PUDP: variants seen among roughly 807,000 people sequenced by gnomAD.
PUDP encodes the protein pseudouridine 5'-phosphatase, also known as pseudouridine-5'-phosphatase.
PUDP carries 8 observed loss-of-function variants against 9.4 expected under a neutral mutation model. That is an observed-to-expected ratio of 0.85 (90% CI 0.50 to 1.53). The LOEUF is 1.53. PUDP is among the 40% of genes most tolerant of loss of function. The pLI, the probability that PUDP is intolerant of heterozygous loss-of-function variation, is 0.00. For synonymous variants in PUDP, 99 were observed against 80.7 expected, an observed-to-expected ratio of 1.23 and a Z score of -1.22; for missense variants, 188 against 189.7, an observed-to-expected ratio of 0.99 and a Z score of 0.05.
chrX:7,076,421 TTTCAAGGGTGAC>T (rs912125074), intron 3 of PUDP, among the ~76,000 whole-genome samples: 10 of 111,874 alleles, frequency 8.9e-5, no homozygotes, highest in African/African-American at 2.6e-4. Context: ...GGAGCCCCCC[TTTCAAGGGTGAC>T]TTCCTGTGAT....
At chrX:7,084,990 T>C (rs1465858518) in intron 2 of PUDP, 2 of 112,221 alleles carry the variant, frequency 1.8e-5, no homozygotes, top group African/African-American at 6.5e-5. Flanking sequence ...TGTTACTCTC[T>C]AATAAGATGC....
intron 3 of PUDP, among the ~76,000 whole-genome samples, chrX:6,775,521 A>ACACG (rs1925441658): frequency 1.8e-5 from 2 of 111,149 alleles, no homozygotes; most frequent in African/African-American, 6.5e-5. Context: ...ACACACACAC[A>ACACG]CACACATATA....
chrX:6,729,081 T>G (rs1569088312), intron 3 of PUDP, among the ~76,000 whole-genome samples: 1 of 111,689 alleles, frequency 9.0e-6, no homozygotes, highest in Non-Finnish European at 1.9e-5. Flanking sequence ...CACATCACAT[T>G]AAGGGTACAA....
intron 3 of PUDP, among the ~76,000 whole-genome samples, chrX:6,882,003 C>G (rs1927354237): frequency 1.1e-5 from 1 of 93,671 alleles, no homozygotes; most frequent in African/African-American, 4.1e-5. Flanking sequence ...GAGACGGAGT[C>G]TTGCTCTGTC....
At chrX:6,761,025 T>A (rs775195328) in intron 3 of PUDP, among the ~76,000 whole-genome samples, 1 of 31,785 alleles carries the variant, frequency 3.1e-5, no homozygotes, top group South Asian at 9.1e-4. Context: ...AGTTAGTGTT[T>A]GTTTGTTTGT....
chrX:6,738,756 T>G (rs745460487), intron 3 of PUDP, among the ~76,000 whole-genome samples: 19 of 111,002 alleles, frequency 1.7e-4, no homozygotes, highest in Non-Finnish European at 5.7e-5. Flanking sequence ...CACCCTCAAA[T>G]GTCAAAGTTG....
At chrX:6,740,804 A>G (rs1360169001) in intron 3 of PUDP, among the ~76,000 whole-genome samples, 3 of 111,622 alleles carry the variant, frequency 2.7e-5, no homozygotes, top group Non-Finnish European at 5.6e-5. Context: ...ACATCTTATC[A>G]ACGAGTTCTA....
chrX:7,101,188 C>T (rs182776107), intron 2 of PUDP, among the ~76,000 whole-genome samples: 1 of 111,944 alleles, frequency 8.9e-6, no homozygotes, highest in Admixed American at 9.4e-5. Flanking sequence ...ATTGAAGTCC[C>T]TACTCGCAAC....
Position 7,064,190 on chromosome X carries a change from C to T in PUDP, c.510+13030G>A, listed in dbSNP as rs184437148. Among the ~76,000 whole-genome samples, 616 of 111,573 alleles carry T rather than the reference C, an allele frequency of 5.5e-3. 4 individuals carry two copies. The highest frequency in any genetic ancestry group is 0.019 in the African/African-American group (597 of 30,658). On this transcript the variant is annotated intron_variant, in intron 3 of 3. Transcript: ENST00000381077. ...AAAAGAACAGAACGTGAACAGAAGG[C>T]TCTTACAAGATGGAAGAGCCCACTC...
Position 6,919,895 on chromosome X carries a change from A to G in PUDP, c.*247+57238T>C, listed in dbSNP as rs1259542474. Reference sequence around the variant, plus strand: ...AAAAAAAAAAAAAAAAAAAAAAAAAAAAGAATGTCTGGAAACCAATGGATC... The same window carrying G: ...AAAAAAAAAAAAAAAAAAAAAAAAAGAAGAATGTCTGGAAACCAATGGATC... On this transcript the variant is annotated intron_variant and NMD_transcript_variant, in intron 3 of 3. Coordinates refer to the PUDP transcript ENST00000655425. 4.3e-5 allele frequency among the ~76,000 whole-genome samples: 4 copies of G among 94,114 alleles called. No individual in the cohort carries two copies. In the Admixed American group the frequency reaches 5.1e-4, roughly 12 times the overall value. 81.7% of individuals were successfully genotyped at this position (94,114 alleles called of 115,157 possible).
intron 3 of PUDP, among the ~76,000 whole-genome samples, chrX:6,957,916 C>G (rs994193113): frequency 9.0e-6 from 1 of 111,716 alleles, no homozygotes; most frequent in African/African-American, 3.3e-5. Context: ...TTTGGAAGAC[C>G]AAGGTGGGTG....
intron 3 of PUDP, among the ~76,000 whole-genome samples, chrX:6,971,588 T>A (rs889997606): frequency 9.4e-6 from 1 of 106,864 alleles, no homozygotes; most frequent in African/African-American, 3.4e-5. Flanking sequence ...GGCTAATTTT[T>A]TTTTTTTTTG....
chrX:7,035,298 G>A (rs760760375), intron 1 of PUDP, among the ~76,000 whole-genome samples: 3 of 111,674 alleles, frequency 2.7e-5, no homozygotes, highest in East Asian at 5.6e-4. Flanking sequence ...TATATACATA[G>A]TCTGCAAAAA....
chrX:7,094,684 AG>A (rs1470832129), intron 2 of PUDP, among the ~76,000 whole-genome samples: 1 of 111,530 alleles, frequency 9.0e-6, no homozygotes, highest in East Asian at 2.8e-4. Flanking sequence ...TTAAAGGAAA[AG>A]GGGGGTAAGA....
At chrX:6,913,277 G>A (rs764980852) in intron 3 of PUDP, among the ~76,000 whole-genome samples, 1 of 111,699 alleles carries the variant, frequency 9.0e-6, no homozygotes, top group South Asian at 3.7e-4. Context: ...AAATGATTTG[G>A]ATTGAAGAAA....
chrX:7,124,956 A>C (rs1932443251), intron 1 of PUDP, among the ~76,000 whole-genome samples: 1 of 109,996 alleles, frequency 9.1e-6, no homozygotes. Context: ...TCAAAAAAAA[A>C]GTAACTTTGG....
At chrX:6,949,056 C>T (rs1158127633) in intron 3 of PUDP, among the ~76,000 whole-genome samples, 1 of 111,992 alleles carries the variant, frequency 8.9e-6, no homozygotes, top group African/African-American at 3.2e-5. Flanking sequence ...ACCCATGGCA[C>T]CATGATATAT....
intron 2 of PUDP, among the ~76,000 whole-genome samples, chrX:7,083,256 C>T (rs1931159728): frequency 8.9e-6 from 1 of 111,820 alleles, no homozygotes; most frequent in Non-Finnish European, 1.9e-5. Flanking sequence ...TGTGAATGAG[C>T]AGAACAGACA....
chrX:6,955,420 A>C (rs1430955581), intron 3 of PUDP, among the ~76,000 whole-genome samples: 1 of 110,255 alleles, frequency 9.1e-6, no homozygotes, highest in African/African-American at 3.3e-5. Context: ...GGGTCTTGCT[A>C]TGTTGCTTAG....
Sources: gnomAD v4.1 joint callset for allele counts (sites outside exome capture counted in the v4.1 genomes callset) on GRCh38, gnomAD v4.1.1 for gene constraint, MANE v1.5 for transcripts, NCBI Gene and HGNC (gene_info 2026-07-23, HGNC 2026-07-21) for gene names.